NAV1: variants seen among roughly 807,000 people sequenced by gnomAD.
The protein encoded by NAV1 is neuron navigator 1, also known as pore membrane and/or filament interacting like protein 3.
A neutral mutation model predicts 175.2 loss-of-function variants in NAV1; 18 were observed. That is an observed-to-expected ratio of 0.10 (90% CI 0.07 to 0.15). The LOEUF is 0.15. Ranked by LOEUF, NAV1 falls within the 10% of genes least tolerant of loss-of-function variation. The probability of loss-of-function intolerance (pLI) is 1.00; values close to 1 mark genes in which losing one functional copy is unlikely to be tolerated. For synonymous variants in NAV1, 897 were observed against 978.7 expected, an observed-to-expected ratio of 0.92 and a Z score of 1.56; for missense variants, 1,731 against 2,436.6, an observed-to-expected ratio of 0.71 and a Z score of 6.10.
chr1:201,629,107 A>G (rs1668415358), intron 1 of NAV1, among the ~76,000 whole-genome samples: 2 of 152,210 alleles, frequency 1.3e-5, no homozygotes. Flanking sequence ...CCTCTGCCCT[A>G]TAAGTGATAA....
chr1:201,567,911 C>T (rs1666406320), intron 1 of NAV1, among the ~76,000 whole-genome samples: 1 of 152,034 alleles, frequency 6.6e-6, no homozygotes, highest in Non-Finnish European at 1.5e-5. Flanking sequence ...GGTAACTGAC[C>T]CAATTGAAGA....
At chr1:201,640,053 G>A (rs771501525) in intron 2 of NAV1, among the ~76,000 whole-genome samples, 3 of 152,040 alleles carry the variant, frequency 2.0e-5, no homozygotes, top group Admixed American at 6.6e-5. Context: ...CCCCCGAGAC[G>A]GTTGAGCTAG....
intron 1 of NAV1, among the ~76,000 whole-genome samples, chr1:201,674,724 C>T (rs543157704): frequency 2.0e-5 from 3 of 152,026 alleles, no homozygotes; most frequent in Non-Finnish European, 4.4e-5. Context: ...AAGTGCCACA[C>T]AATTTTAAAT....
At chr1:201,554,857 C>T (rs1042201407) in intron 1 of NAV1, among the ~76,000 whole-genome samples, 3 of 152,128 alleles carry the variant, frequency 2.0e-5, no homozygotes, top group Non-Finnish European at 2.9e-5. Flanking sequence ...AGTCTGAAAT[C>T]GAGGTGTTGG....
At chr1:201,670,758 ATGC>A (rs1670011448) in intron 1 of NAV1, among the ~76,000 whole-genome samples, 2 of 151,392 alleles carry the variant, frequency 1.3e-5, no homozygotes, top group East Asian at 3.9e-4. Context: ...GGTGGTGGAG[ATGC>A]TGGTGGTGTT....
At chr1:201,549,729 G>A (rs1014953402) in intron 1 of NAV1, among the ~76,000 whole-genome samples, 11 of 148,544 alleles carry the variant, frequency 7.4e-5, no homozygotes, top group South Asian at 2.2e-4. Context: ...CCTGGGTGCC[G>A]GCCTGGCTCA....
At chr1:201,559,545 G>C (rs771180578) in intron 1 of NAV1, among the ~76,000 whole-genome samples, 4 of 152,156 alleles carry the variant, frequency 2.6e-5, no homozygotes, top group Non-Finnish European at 5.9e-5. Context: ...TGTGGGCAGA[G>C]GGCAGCAAAA....
chr1:201,622,485 G>A (rs149586281), upstream of NAV1, among the ~76,000 whole-genome samples: 1 of 152,280 alleles, frequency 6.6e-6, no homozygotes, highest in East Asian at 1.9e-4. Flanking sequence ...TCTAGACTCG[G>A]GGTACTAGGA....
chr1:201,790,531 T>C (rs1558169073), intron 11 of NAV1, 23 bp from the exon 16 acceptor site: 1 of 1,613,890 alleles, frequency 6.2e-7, no homozygotes, highest in Non-Finnish European at 8.5e-7. Context: ...TCTCTTTCTC[T>C]CCTTCTGTGC....
intron 3 of NAV1, among the ~76,000 whole-genome samples, chr1:201,765,400 T>C (rs1185695782): frequency 1.4e-5 from 2 of 147,342 alleles, no homozygotes; most frequent in Non-Finnish European, 3.0e-5. Context: ...TTTTTTTTTT[T>C]TTTCTTTTTT....
intron 3 of NAV1, among the ~76,000 whole-genome samples, chr1:201,769,987 G>A (rs1486111777): frequency 6.6e-6 from 1 of 152,208 alleles, no homozygotes; most frequent in African/African-American, 2.4e-5. Flanking sequence ...GAAGCAATAA[G>A]GATTTTTTCC....
exon 25 of NAV1, chr1:201,811,727 A>G (rs1394447680): frequency 5.0e-6 from 8 of 1,609,944 alleles, no homozygotes; most frequent in Non-Finnish European, 6.8e-6. Context: ...GAGTTGGTCA[A>G]TGGGGCCCTC....
At chr1:201,651,404 G>C (rs1285420153) in intron 1 of NAV1, among the ~76,000 whole-genome samples, 2 of 151,886 alleles carry the variant, frequency 1.3e-5, no homozygotes, top group Non-Finnish European at 2.9e-5. Context: ...TGGGAGGAGG[G>C]GCAGGAGTGG....
At chr1:201,576,022 T>A (rs1666682240) in intron 1 of NAV1, among the ~76,000 whole-genome samples, 1 of 152,056 alleles carries the variant, frequency 6.6e-6, no homozygotes, top group Non-Finnish European at 1.5e-5. Flanking sequence ...TTACCCAGCT[T>A]CCCCCAGTGT....
Position 201,718,380 on chromosome 1 carries a change from C to A in NAV1, c.861-10C>A. 6.6e-7 allele frequency: 1 copy of A among 1,525,844 alleles called. No individual in the cohort carries two copies. The highest frequency in any genetic ancestry group is 1.3e-5 in the South Asian group (1 of 77,938). The allele number at this position is 1,525,844 out of a possible 1,614,324, so 94.5% of individuals were successfully genotyped here. A position where few individuals can be genotyped will look rare whatever the true frequency, so the allele number is the denominator to read the frequency against. The stretch of plus-strand genomic sequence containing the variant: ...CAAGGACTAAGTAGTGCCTTCTGCT[C>A]TCCACCCAGCTCCCTGGAGATGACC... On this transcript the variant is annotated splice_polypyrimidine_tract_variant and intron_variant, in intron 2 of 29. Coordinates refer to ENST00000367296, the Ensembl canonical transcript of NAV1. This position sits in a 1 kb window ranked among gnomAD's most constrained non-coding sequence, Gnocchi z 4.8.
At chr1:201,600,712 G>A (rs76893331) in intron 2 of NAV1, among the ~76,000 whole-genome samples, 2,183 of 152,156 alleles carry the variant, frequency 0.014, 51 homozygotes, top group African/African-American at 0.049. Flanking sequence ...GAAATTTCAA[G>A]CCTGGGGAGG....
upstream of NAV1, among the ~76,000 whole-genome samples, chr1:201,620,109 T>C (rs530658149): frequency 2.3e-4 from 35 of 152,324 alleles, no homozygotes; most frequent in South Asian, 6.4e-3. Flanking sequence ...AGGGTCTACA[T>C]TGACTTCTTA....
At chr1:201,730,886 T>C (rs1012499821) in intron 3 of NAV1, among the ~76,000 whole-genome samples, 2 of 152,158 alleles carry the variant, frequency 1.3e-5, no homozygotes, top group Admixed American at 1.3e-4. Flanking sequence ...TCACTGCAGC[T>C]GAAGAAAGGC....
chr1:201,746,033 G>A (rs1352312946), intron 3 of NAV1, among the ~76,000 whole-genome samples: 3 of 151,512 alleles, frequency 2.0e-5, no homozygotes, highest in African/African-American at 7.3e-5. Context: ...TTGCCGTGTT[G>A]TCCAGGCTGT....
Sources: allele counts gnomAD v4.1 joint callset (sites outside exome capture counted in the v4.1 genomes callset), GRCh38; gene constraint gnomAD v4.1.1; non-coding constraint Gnocchi (gnomAD v3.1); transcripts MANE v1.5; gene names NCBI Gene and HGNC (gene_info 2026-07-23, HGNC 2026-07-21).